Variants in SHISA4 observed in about 807,000 individuals in gnomAD.
The protein encoded by SHISA4 is protein shisa-4.
SHISA4 carries 16 observed loss-of-function variants against 24.2 expected under a neutral mutation model. The ratio of observed to expected loss-of-function variants is 0.66; its 90% CI spans 0.45 to 1.00. SHISA4 has a LOEUF of 1.00. Among genes scored for constraint, SHISA4 ranks in the 50% least tolerant of loss-of-function variants. SHISA4 has a pLI of 0.00. For synonymous variants in SHISA4, 106 were observed against 105.4 expected (o/e 1.01, Z -0.04); for missense variants, 238 against 258.9 (o/e 0.92, Z 0.55).
chr1:201,891,252 C>G (rs1328718164), intron 3 of SHISA4, 149 bp from the exon 4 acceptor site: 2 of 878,844 alleles, frequency 2.3e-6, no homozygotes, highest in Non-Finnish European at 3.6e-6. Flanking sequence ...CTGCTTAACT[C>G]TGCCAAGCAG....
intron 4 of SHISA4, 116 bp downstream of exon 4, chr1:201,891,684 C>G (rs750159935): frequency 5.7e-5 from 87 of 1,539,530 alleles, no homozygotes; most frequent in Non-Finnish European, 7.5e-5. Context: ...CCACCTCTAG[C>G]CCGAAACCTC....
intron 2 of SHISA4, among the ~76,000 whole-genome samples, chr1:201,889,880 C>T (rs570599168): frequency 6.6e-6 from 1 of 152,232 alleles, no homozygotes; most frequent in South Asian, 2.1e-4. Flanking sequence ...TCCCTTTGGT[C>T]CTGCCAGGTC....
chr1:201,889,173 G>C, intron 1 of SHISA4, 106 bp downstream of exon 1: 1 of 1,129,554 alleles, frequency 8.9e-7, no homozygotes, highest in South Asian at 1.7e-5. Flanking sequence ...CCCTCCGGCT[G>C]CCACGGGAGC....
chr1:201,889,339 G>A, intron 1 of SHISA4, 106 bp from the exon 2 acceptor site: 1 of 1,484,134 alleles, frequency 6.7e-7, no homozygotes, highest in Non-Finnish European at 9.1e-7. Context: ...GCAACCCTCA[G>A]TGTTCGGGAG....
At chr1:201,890,207 A>G (rs1322374163) in intron 2 of SHISA4, among the ~76,000 whole-genome samples, 2 of 152,218 alleles carry the variant, frequency 1.3e-5, no homozygotes, top group Non-Finnish European at 2.9e-5. Context: ...AGTTGTAGAT[A>G]TAAAAGCAAT....
At chr1:201,890,853 T>C (rs557502269) in intron 3 of SHISA4, among the ~76,000 whole-genome samples, 3 of 152,280 alleles carry the variant, frequency 2.0e-5, no homozygotes, top group Non-Finnish European at 4.4e-5. Context: ...CTGTCAACAA[T>C]AGTGGGTGCA....
At position 201,889,064 on chromosome 1, in the gene SHISA4, C is replaced by T; in HGVS notation, c.70C>T (p.Leu24=). ...AIALLVLGAP[L]VLAGEDCLWY... ...CGCTCTGTTGGTGCTGGGGGCTCCC[C>T]TGGGTAAGGGGATGGGGAGAGATGC... Residue 24 remains leucine, a synonymous_variant, in exon 1 of 5, where the codon CTG becomes TTG. Coordinates refer to ENST00000362011, the MANE Select transcript of SHISA4 (RefSeq NM_198149.3). 7.2e-7 allele frequency: 1 copy of T among 1,396,710 alleles called. No individual in the cohort carries two copies. The highest frequency in any genetic ancestry group is 9.3e-7 in the Non-Finnish European group (1 of 1,073,114). The allele number at this position is 1,396,710 out of a possible 1,614,324, so 86.5% of individuals were successfully genotyped here.
intron 3 of SHISA4, 86 bp from the exon 4 acceptor site, chr1:201,891,315 G>A: frequency 6.5e-7 from 1 of 1,545,518 alleles, no homozygotes; most frequent in Non-Finnish European, 8.9e-7. Flanking sequence ...CCAGCACCAG[G>A]GTGCTTACCT....
chr1:201,889,635 A>G lies in SHISA4; in HGVS notation c.245+19A>G. On this transcript the variant is annotated intron_variant, in intron 2 of 4. Coordinates refer to ENST00000362011, the MANE Select transcript of SHISA4 (RefSeq NM_198149.3). Reference sequence around the variant, plus strand: ...CCTTCAGGTGGGTTCCTGCCTCCTCACCCTCACCACCTCCTCTATCCTTTT... The same window carrying G: ...CCTTCAGGTGGGTTCCTGCCTCCTCGCCCTCACCACCTCCTCTATCCTTTT... 1 of 1,610,832 alleles carries G rather than the reference A, an allele frequency of 6.2e-7. No homozygotes were observed. The highest frequency in any genetic ancestry group is 8.5e-7 in the Non-Finnish European group (1 of 1,179,328).
intron 4 of SHISA4, 56 bp downstream of exon 4, chr1:201,891,624 G>A (rs1235080285): frequency 1.4e-5 from 22 of 1,562,042 alleles, no homozygotes; most frequent in Admixed American, 1.0e-4. Flanking sequence ...CTTGCCCTGC[G>A]ACCTCCCCTG....
intron 2 of SHISA4, among the ~76,000 whole-genome samples, chr1:201,889,950 T>C (rs1403051917): frequency 6.6e-6 from 1 of 152,148 alleles, no homozygotes; most frequent in African/African-American, 2.4e-5. Context: ...TGGAAGAAGC[T>C]CTGGCACAAA....
At position 201,889,604 on chromosome 1, in the gene SHISA4, G is replaced by T. The variant is rs1681055086; in HGVS notation, c.233G>T (p.Cys78Phe). ...LLITERQQKH[C>F]LAFSPKTIAG... ...ATCACCGAGAGGCAGCAGAAGCACT[G>T]CCTGGCCTTCAGGTGGGTTCCTGCC... Residue 78 changes from cysteine (C) to phenylalanine (F), a missense_variant, in exon 2 of 5, where the codon TGC becomes TTC. Coordinates refer to ENST00000362011, the MANE Select transcript of SHISA4 (RefSeq NM_198149.3). 18 of 1,613,564 alleles carry T rather than the reference G, an allele frequency of 1.1e-5. No homozygotes were observed. Among genetic ancestry groups the T allele is most frequent in the Non-Finnish European group, 1.4e-5 (16 of 1,179,966 alleles).
intron 3 of SHISA4, among the ~76,000 whole-genome samples, chr1:201,891,200 G>C (rs1182611603): frequency 6.6e-6 from 1 of 152,146 alleles, no homozygotes; most frequent in East Asian, 1.9e-4. Context: ...GAGCAAACTT[G>C]CTCAACACAG....
upstream of SHISA4, chr1:201,888,893 A>C (rs1681036361): frequency 1.3e-6 from 1 of 759,150 alleles, no homozygotes; most frequent in Non-Finnish European, 1.8e-6. Flanking sequence ...GAGGAGCCCG[A>C]GCCTGGCCGC....
At position 201,891,834 on chromosome 1, in the gene SHISA4, C is replaced by T. The variant is rs766594144; in HGVS notation, c.582C>T (p.Tyr194=). 1.1e-5 allele frequency: 17 copies of T among 1,613,996 alleles called. No homozygotes were observed. The East Asian group carries it at 3.8e-4, about 36-fold the overall frequency. ...PPPYMPPQPS[Y]PGA Reference sequence around the variant, plus strand: ...CCTATATGCCACCACAGCCCTCTTACCCGGGAGCCTGAGGAACCAGCCATG... The same window carrying T: ...CCTATATGCCACCACAGCCCTCTTATCCGGGAGCCTGAGGAACCAGCCATG... The change falls in exon 5 of 5, where the codon TAC becomes TAT. Residue 194 remains tyrosine, a synonymous_variant. Transcript: ENST00000362011.
Position 201,892,533 on chromosome 1 carries a change from A to G in SHISA4, c.*687A>G, listed in dbSNP as rs1301958817. 1.3e-5 allele frequency among the ~76,000 whole-genome samples: 2 copies of G among 152,072 alleles called. No homozygotes were observed. Among genetic ancestry groups the G allele is most frequent in the East Asian group, 3.9e-4 (2 of 5,186 alleles). On this transcript the variant is annotated 3_prime_UTR_variant, in exon 5 of 5. Transcript: ENST00000362011. ...TGAATTTTGCCACAGCTCTGAAGAGATGCTCGTTTGCACTACAGATATTCC... is the reference window on the plus strand; with the variant it reads ...TGAATTTTGCCACAGCTCTGAAGAGGTGCTCGTTTGCACTACAGATATTCC...
chr1:201,891,941 T>G lies in SHISA4; in HGVS notation c.*95T>G. The G allele has an allele frequency of 2.1e-6, 3 of 1,462,348 alleles. No homozygotes were observed. Among genetic ancestry groups the G allele is most frequent in the Non-Finnish European group, 2.9e-6 (3 of 1,045,534 alleles). The allele number at this position is 1,462,348 out of a possible 1,614,324, so 90.6% of individuals were successfully genotyped here. ...CATCTGGTCCTGGGGGTGGCAGGAG[T>G]CCTCCAGCCACCAGGCCCCAGACCA... is the stretch of plus-strand genomic sequence containing the variant. On this transcript the variant is annotated 3_prime_UTR_variant, in exon 5 of 5. Transcript: ENST00000362011.
At chr1:201,889,177 C>T in intron 1 of SHISA4, 110 bp downstream of exon 1, 2 of 1,123,750 alleles carry the variant, frequency 1.8e-6, no homozygotes, top group South Asian at 1.7e-5. Flanking sequence ...CCGGCTGCCA[C>T]GGGAGCCTTG....
intron 1 of SHISA4, 180 bp from the exon 2 acceptor site, chr1:201,889,265 G>C (rs2102901538): frequency 1.0e-6 from 1 of 963,356 alleles, no homozygotes; most frequent in Non-Finnish European, 1.5e-6. Flanking sequence ...CCGGGGTGCA[G>C]GGTCAGCTTC....
Sources: allele counts gnomAD v4.1 joint callset (sites outside exome capture counted in the v4.1 genomes callset), GRCh38; gene constraint gnomAD v4.1.1; transcripts MANE v1.5; gene names NCBI Gene and HGNC (gene_info 2026-07-23, HGNC 2026-07-21).